DOCK11: variants seen among roughly 807,000 people sequenced by gnomAD.
The protein encoded by DOCK11 is dedicator of cytokinesis protein 11.
In DOCK11, 70 loss-of-function variants were observed where a neutral mutation model predicts 169.1. The ratio of observed to expected loss-of-function variants is 0.41; its 90% CI spans 0.34 to 0.51. The LOEUF is 0.51. Among genes scored for constraint, DOCK11 ranks in the 20% least tolerant of loss-of-function variants. The pLI is 0.10. For synonymous variants in DOCK11, 529 were observed against 541.3 expected (o/e 0.98, Z 0.32); for missense variants, 1,166 against 1,538.8 (o/e 0.76, Z 4.05).
intron 6 of DOCK11, among the ~76,000 whole-genome samples, chrX:118,547,055 C>T (rs1471160442): frequency 3.6e-5 from 4 of 110,167 alleles, no homozygotes; most frequent in Non-Finnish European, 7.6e-5. Context: ...GCCTTGAACA[C>T]CTTGGACATG....
chrX:118,560,134 G>T (rs1397757396), intron 6 of DOCK11, among the ~76,000 whole-genome samples: 1 of 110,169 alleles, frequency 9.1e-6, no homozygotes, highest in African/African-American at 3.3e-5. Flanking sequence ...AAAAATCAAT[G>T]ATATTTATAC....
In DOCK11 at chrX:118,547,063, A is replaced by G. The variant is rs185255717; in HGVS notation, c.558+947A>G. On this transcript the variant is annotated intron_variant, in intron 6 of 52. Transcript: ENST00000276202. ...GTGCAGAGCCTTGAACACCTTGGAC[A>G]TGAGGTTCACTTATTTGGGAGGCTG... Among the ~76,000 whole-genome samples, 4 of 110,930 alleles carry G rather than the reference A, an allele frequency of 3.6e-5. No individual in the cohort carries two copies. In the East Asian group the frequency reaches 1.1e-3, roughly 31 times the overall value.
Position 118,626,390 on chromosome X carries a change from G to A in DOCK11, c.3589-1114G>A, listed in dbSNP as rs776297491. ...CCGGTCCCCAAAACCCTTTGCTTTC[G>A]TGGTCACCCCTTTTCCAAATATGCT... On this transcript the variant is annotated intron_variant, in intron 32 of 52. Coordinates refer to ENST00000276202, the MANE Select transcript of DOCK11 (RefSeq NM_144658.4). Among the ~76,000 whole-genome samples, 37 of 111,036 alleles carry A rather than the reference G, an allele frequency of 3.3e-4. No individual in the cohort carries two copies. The South Asian group carries it at 0.013, about 39-fold the overall frequency.
intron 40 of DOCK11, among the ~76,000 whole-genome samples, chrX:118,648,501 G>A (rs2015854031): frequency 1.1e-5 from 1 of 91,258 alleles, no homozygotes; most frequent in Admixed American, 1.4e-4. Context: ...ATATTGATAT[G>A]TTAATATATT....
intron 24 of DOCK11, among the ~76,000 whole-genome samples, chrX:118,607,418 A>ATTT (rs56374019): frequency 7.2e-4 from 37 of 51,227 alleles, no homozygotes; most frequent in Non-Finnish European, 1.1e-3. Flanking sequence ...CCGGGCCTTC[A>ATTT]TTTTTTTTTT....
chrX:118,553,110 A>G (rs150274127), intron 6 of DOCK11, among the ~76,000 whole-genome samples: 50 of 111,558 alleles, frequency 4.5e-4, no homozygotes, highest in African/African-American at 1.6e-3. Context: ...AAGTTTTAAG[A>G]TGTCATAGAG....
intron 1 of DOCK11, among the ~76,000 whole-genome samples, chrX:118,537,681 G>A (rs757264199): frequency 7.2e-5 from 8 of 111,195 alleles, no homozygotes; most frequent in Non-Finnish European, 1.1e-4. Context: ...ATACAGTTAC[G>A]ATGATAAAAG....
intron 38 of DOCK11, among the ~76,000 whole-genome samples, 172 bp from the exon 39 acceptor site, chrX:118,641,018 T>C (rs1394794561): frequency 9.0e-6 from 1 of 111,480 alleles, no homozygotes; most frequent in Admixed American, 9.5e-5. Flanking sequence ...GGTCTTGAAC[T>C]GACCTCATGA....
At chrX:118,673,735 C>G (rs1569447398) in intron 46 of DOCK11, among the ~76,000 whole-genome samples, 1 of 110,988 alleles carries the variant, frequency 9.0e-6, no homozygotes, top group Non-Finnish European at 1.9e-5. Context: ...AATATGCACC[C>G]ACCACCTCTT....
intron 22 of DOCK11, among the ~76,000 whole-genome samples, chrX:118,598,903 G>A (rs760508967): frequency 2.7e-5 from 3 of 111,879 alleles, no homozygotes; most frequent in East Asian, 2.8e-4. Context: ...AGTCAAAGTC[G>A]GAATCAAATG....
Position 118,545,843 on chromosome X carries a change from G to C in DOCK11, c.463-178G>C, listed in dbSNP as rs189558885. 3.6e-5 allele frequency among the ~76,000 whole-genome samples: 4 copies of C among 112,122 alleles called. No individual in the cohort carries two copies. In the Admixed American group the frequency reaches 3.8e-4, roughly 11 times the overall value. On this transcript the variant is annotated intron_variant, in intron 5 of 52. Coordinates refer to ENST00000276202, the MANE Select transcript of DOCK11 (RefSeq NM_144658.4). Reference sequence around the variant, plus strand: ...ATTCAGTAAATACTGAGTGCCTACTGTGTGCATAGCACAGAGCCTTTCATT... The same window carrying C: ...ATTCAGTAAATACTGAGTGCCTACTCTGTGCATAGCACAGAGCCTTTCATT...
At chrX:118,639,342 A>T in intron 37 of DOCK11, 93 bp from the exon 38 acceptor site, 1 of 979,409 alleles carries the variant, frequency 1.0e-6, no homozygotes. Context: ...TACTATGTTT[A>T]TGTGGAAACC....
At chrX:118,608,625 T>C (rs2014600479) in intron 26 of DOCK11, among the ~76,000 whole-genome samples, 1 of 111,928 alleles carries the variant, frequency 8.9e-6, no homozygotes, top group Admixed American at 9.5e-5. Flanking sequence ...AAAATAGTTT[T>C]GTGACCTGGG....
At chrX:118,581,026 A>T (rs939668573) in intron 14 of DOCK11, among the ~76,000 whole-genome samples, 1 of 112,169 alleles carries the variant, frequency 8.9e-6, no homozygotes, top group African/African-American at 3.2e-5. Context: ...TATTTTATCC[A>T]AATTTTGTAA....
At chrX:118,497,944 A>C (rs1044217449) in intron 1 of DOCK11, among the ~76,000 whole-genome samples, 3 of 112,471 alleles carry the variant, frequency 2.7e-5, no homozygotes, top group Non-Finnish European at 5.6e-5. Context: ...AATTTTGTGC[A>C]TTGTAGGTTC....
intron 41 of DOCK11, among the ~76,000 whole-genome samples, chrX:118,649,800 C>A: frequency 9.0e-6 from 1 of 111,540 alleles, no homozygotes; most frequent in East Asian, 2.8e-4. Flanking sequence ...CAAGCATGAG[C>A]CACCGTGCCC....
At chrX:118,643,092 GTC>G (rs770489024) in intron 39 of DOCK11, among the ~76,000 whole-genome samples, 22 of 110,925 alleles carry the variant, frequency 2.0e-4, no homozygotes, top group Non-Finnish European at 3.2e-4. Context: ...ACAATATTTA[GTC>G]TCTCAGAAAT....
At chrX:118,640,438 A>G (rs2147512392) in intron 38 of DOCK11, among the ~76,000 whole-genome samples, 1 of 112,384 alleles carries the variant, frequency 8.9e-6, no homozygotes, top group Non-Finnish European at 1.9e-5. Flanking sequence ...AAATATGATG[A>G]ACCACTTCCT....
At chrX:118,663,481 GAC>G (rs1379020971) in intron 45 of DOCK11, among the ~76,000 whole-genome samples, 2 of 110,848 alleles carry the variant, frequency 1.8e-5, no homozygotes, top group Non-Finnish European at 3.8e-5. Context: ...CATCCTAAGA[GAC>G]AGGAGAAGGG....
Sources: allele counts gnomAD v4.1 joint callset (sites outside exome capture counted in the v4.1 genomes callset), GRCh38; gene constraint gnomAD v4.1.1; transcripts MANE v1.5; gene names NCBI Gene and HGNC (gene_info 2026-07-23, HGNC 2026-07-21).